TRDN: variants seen among roughly 807,000 people sequenced by gnomAD.
TRDN encodes triadin.
TRDN carries 161 observed loss-of-function variants against 149.7 expected under a neutral mutation model. The ratio of observed to expected loss-of-function variants is 1.08; its 90% CI spans 0.95 to 1.23. The LOEUF is 1.23. TRDN is among the 50% of genes most tolerant of loss of function. The pLI is 0.00. For synonymous variants in TRDN, 294 were observed against 250.5 expected, an observed-to-expected ratio of 1.17 and a Z score of -1.64; for missense variants, 896 against 823.5, an observed-to-expected ratio of 1.09 and a Z score of -1.08.
Position 123,385,198 on chromosome 6 carries a change from A to T in TRDN, c.1136-3051T>A, listed in dbSNP as rs529983031. On this transcript the variant is annotated intron_variant, in intron 14 of 40. Coordinates refer to ENST00000334268, the MANE Select transcript of TRDN (RefSeq NM_006073.4). Reference sequence around the variant, plus strand: ...ATCCCAGCACTTTGGTAGGCTGAGGAGTGCGGATCACTAGGTCAGGAGATC... The same window carrying T: ...ATCCCAGCACTTTGGTAGGCTGAGGTGTGCGGATCACTAGGTCAGGAGATC... Among the ~76,000 whole-genome samples, 3 of 152,054 alleles carry T rather than the reference A, an allele frequency of 2.0e-5. No individual in the cohort carries two copies. The South Asian group carries it at 6.2e-4, about 32-fold the overall frequency.
At chr6:123,610,119 G>A (rs886500350) in intron 1 of TRDN, among the ~76,000 whole-genome samples, 2 of 152,142 alleles carry the variant, frequency 1.3e-5, no homozygotes, top group Non-Finnish European at 2.9e-5. Context: ...ATGATTTCTT[G>A]CATGCAATAG....
intron 1 of TRDN, among the ~76,000 whole-genome samples, chr6:123,578,572 T>C (rs1247538019): frequency 6.6e-6 from 1 of 152,174 alleles, no homozygotes; most frequent in Admixed American, 6.6e-5. Context: ...GTAGTATGGT[T>C]TGAAGTTGAG....
At chr6:123,315,709 C>G (rs1778997652) in intron 24 of TRDN, among the ~76,000 whole-genome samples, 1 of 151,788 alleles carries the variant, frequency 6.6e-6, no homozygotes, top group Admixed American at 6.6e-5. Flanking sequence ...ATACAAAATA[C>G]TTGAATTAGG....
At chr6:123,232,868 C>T (rs762487478) in intron 38 of TRDN, among the ~76,000 whole-genome samples, 3 of 151,986 alleles carry the variant, frequency 2.0e-5, no homozygotes, top group Admixed American at 6.6e-5. Flanking sequence ...TTAGCAAACA[C>T]TATAAATAAA....
At chr6:123,582,931 T>A (rs1583282079) in intron 1 of TRDN, among the ~76,000 whole-genome samples, 1 of 151,802 alleles carries the variant, frequency 6.6e-6, no homozygotes, top group South Asian at 2.1e-4. Context: ...AGGGGTGATA[T>A]TGTGGGGTTG....
At chr6:123,472,511 G>A (rs1260261247) in intron 9 of TRDN, among the ~76,000 whole-genome samples, 1 of 152,174 alleles carries the variant, frequency 6.6e-6, no homozygotes, top group Non-Finnish European at 1.5e-5. Flanking sequence ...GGGGAGGGGC[G>A]CCCGCCATTG....
At chr6:123,545,341 A>T (rs1188483367) in intron 4 of TRDN, among the ~76,000 whole-genome samples, 1 of 151,978 alleles carries the variant, frequency 6.6e-6, no homozygotes, top group African/African-American at 2.4e-5. Flanking sequence ...AAGTATACTT[A>T]AAATGTAGAA....
intron 10 of TRDN, among the ~76,000 whole-genome samples, chr6:123,446,265 T>C (rs534164640): frequency 2.0e-5 from 3 of 151,494 alleles, no homozygotes; most frequent in Non-Finnish European, 2.9e-5. Flanking sequence ...AGGGATAGCA[T>C]TGGGAGATAT....
chr6:123,235,019 T>A (rs985885649), intron 38 of TRDN, among the ~76,000 whole-genome samples: 2 of 152,072 alleles, frequency 1.3e-5, no homozygotes, highest in Non-Finnish European at 2.9e-5. Context: ...ATTTCCTTCA[T>A]ATTTCTCCCC....
chr6:123,425,497 G>A (rs1774084312), intron 12 of TRDN, among the ~76,000 whole-genome samples: 1 of 152,032 alleles, frequency 6.6e-6, no homozygotes, highest in Non-Finnish European at 1.5e-5. Context: ...AGGTAGTGAG[G>A]ATAGAGAAAG....
At chr6:123,571,489 G>GT (rs985339224) in intron 1 of TRDN, among the ~76,000 whole-genome samples, 1 of 141,466 alleles carries the variant, frequency 7.1e-6, no homozygotes, top group African/African-American at 2.9e-5. Flanking sequence ...GGTCATTCAT[G>GT]TTTTGTTTGT....
intron 1 of TRDN, among the ~76,000 whole-genome samples, chr6:123,595,558 T>G (rs1783997424): frequency 6.6e-6 from 1 of 152,140 alleles, no homozygotes; most frequent in African/African-American, 2.4e-5. Context: ...ATCCTGCACT[T>G]TTACAAATTG....
intron 24 of TRDN, among the ~76,000 whole-genome samples, chr6:123,283,549 A>T (rs1777680084): frequency 6.6e-6 from 1 of 151,560 alleles, no homozygotes; most frequent in South Asian, 2.1e-4. Context: ...TTGAAAAGAT[A>T]AATAAGATTA....
At chr6:123,405,581 A>G (rs967614671) in intron 12 of TRDN, among the ~76,000 whole-genome samples, 3 of 152,204 alleles carry the variant, frequency 2.0e-5, no homozygotes, top group Non-Finnish European at 4.4e-5. Context: ...GGCAAACACA[A>G]TTGGTTTCTG....
chr6:123,449,844 A>C (rs2114648330), intron 10 of TRDN, among the ~76,000 whole-genome samples: 1 of 152,262 alleles, frequency 6.6e-6, no homozygotes, highest in African/African-American at 2.4e-5. Flanking sequence ...CTAAAGGAAA[A>C]ACCTATCAGA....
At chr6:123,506,726 C>A (rs7751031) in intron 7 of TRDN, among the ~76,000 whole-genome samples, 2 of 151,732 alleles carry the variant, frequency 1.3e-5, no homozygotes, top group African/African-American at 4.8e-5. Flanking sequence ...TGACCTCAGG[C>A]GATCCACCCG....
At chr6:123,542,713 TC>T in intron 4 of TRDN, among the ~76,000 whole-genome samples, 1 of 152,272 alleles carries the variant, frequency 6.6e-6, no homozygotes, top group South Asian at 2.1e-4. Context: ...CAGTATTTTA[TC>T]TTTGAACATA....
Position 123,377,897 on chromosome 6 carries a change from T to A in TRDN, c.1188A>T (p.Lys396Asn). ...PAEVEQPKGK[K>N]QEKKEKHVEP... ...CCACATGTTTTTCTTTCTTTTCCTGTTCTGAAACATATTATTATTGTTATT... is the reference window on the plus strand; with the variant it reads ...CCACATGTTTTTCTTTCTTTTCCTGATCTGAAACATATTATTATTGTTATT... Residue 396 changes from lysine (K) to asparagine (N), a missense_variant and splice_region_variant, in exon 17 of 41, where the codon AAA becomes AAT. Physicochemically the swap from Lys to Asn is moderately conservative, Grantham distance 94. Coordinates refer to ENST00000334268, the MANE Select transcript of TRDN (RefSeq NM_006073.4). 3 of 1,476,798 alleles carry A rather than the reference T, an allele frequency of 2.0e-6. No individual in the cohort carries two copies. Among genetic ancestry groups the A allele is most frequent in the Non-Finnish European group, 2.8e-6 (3 of 1,083,794 alleles). The allele number at this position is 1,476,798 out of a possible 1,614,324, so 91.5% of individuals were successfully genotyped here. A position where few individuals can be genotyped will look rare whatever the true frequency, so the allele number is the denominator to read the frequency against.
intron 6 of TRDN, among the ~76,000 whole-genome samples, chr6:123,515,203 T>G (rs749291621): frequency 6.6e-6 from 1 of 151,004 alleles, no homozygotes; most frequent in Non-Finnish European, 1.5e-5. Context: ...AATAATAATC[T>G]TAAGGAAACT....
Sources: gnomAD v4.1 joint callset for allele counts (sites outside exome capture counted in the v4.1 genomes callset) on GRCh38, gnomAD v4.1.1 for gene constraint, MANE v1.5 for transcripts, NCBI Gene and HGNC (gene_info 2026-07-23, HGNC 2026-07-21) for gene names.